Variants in RGS6 observed in about 807,000 individuals in gnomAD.
RGS6 encodes regulator of G protein signaling 6, also known as regulator of G-protein signaling 6.
Under a neutral mutation model 78.5 loss-of-function variants are expected in RGS6, and 30 were observed. That is an observed-to-expected ratio of 0.38 (90% CI 0.29 to 0.52). The LOEUF (loss-of-function observed/expected upper bound fraction) is 0.52. Ranked by LOEUF, RGS6 falls within the 20% of genes least tolerant of loss-of-function variation. The probability of loss-of-function intolerance (pLI) is 0.85; values close to 1 mark genes in which losing one functional copy is unlikely to be tolerated. For missense variants in RGS6, 495 were observed against 609.7 expected (o/e 0.81, Z 1.98); for synonymous variants, 206 against 206.0 (o/e 1.00, Z 0.00).
At chr14:72,095,270 T>A (rs1397454591) in intron 2 of RGS6, among the ~76,000 whole-genome samples, 1 of 152,040 alleles carries the variant, frequency 6.6e-6, no homozygotes, top group Non-Finnish European at 1.5e-5. Context: ...AACTGAATCA[T>A]TGGTGGTTTT....
intron 15 of RGS6, among the ~76,000 whole-genome samples, chr14:72,521,751 T>G (rs2097045804): frequency 6.6e-6 from 1 of 152,182 alleles, no homozygotes; most frequent in South Asian, 2.1e-4. Flanking sequence ...GACAAGTTGC[T>G]TAAATTCCCT....
intron 2 of RGS6, among the ~76,000 whole-genome samples, chr14:72,068,453 A>AT (rs1279248206): frequency 2.0e-5 from 3 of 147,042 alleles, no homozygotes; most frequent in African/African-American, 5.0e-5. Context: ...GTTCTTTTTA[A>AT]TTTTTTATTC....
intron 2 of RGS6, among the ~76,000 whole-genome samples, chr14:72,055,992 G>A (rs935445967): frequency 6.6e-6 from 1 of 152,182 alleles, no homozygotes; most frequent in Admixed American, 6.5e-5. Flanking sequence ...TCAAAGTTTA[G>A]TGTGCATAAG....
Position 72,562,758 on chromosome 14 carries a change from T to G in RGS6, c.*291T>G. ...CTCGCTAAGAGGCCCTGATCCCAGC[T>G]CATTCAGGGGAGAACACGTCGTGGG... On this transcript the variant is annotated 3_prime_UTR_variant, in exon 18 of 18. Coordinates refer to ENST00000553525, the MANE Select transcript of RGS6 (RefSeq NM_001204424.2). 6.5e-7 allele frequency: 1 copy of G among 1,533,918 alleles called. No homozygotes were observed. The highest frequency in any genetic ancestry group is 8.7e-7 in the Non-Finnish European group (1 of 1,144,912).
the RGS6 span, chr14:72,612,590 T>C: frequency 2.0e-6 from 1 of 507,370 alleles, no homozygotes; most frequent in South Asian, 1.4e-5. Context: ...GAGGAAACAG[T>C]GCAGGGAAGG....
intron 3 of RGS6, among the ~76,000 whole-genome samples, chr14:72,394,140 C>T (rs926311033): frequency 6.6e-5 from 10 of 152,084 alleles, no homozygotes; most frequent in South Asian, 4.1e-4. Flanking sequence ...TTCTATTTTC[C>T]GTAAGCGTCG....
At chr14:71,999,800 A>T (rs2083084379) in intron 2 of RGS6, among the ~76,000 whole-genome samples, 1 of 105,326 alleles carries the variant, frequency 9.5e-6, no homozygotes, top group African/African-American at 2.9e-5. Context: ...AGGCCTCCCC[A>T]GCAGCTGAGC....
At position 72,144,345 on chromosome 14, in the gene RGS6, T is replaced by C. The variant is rs113580499; in HGVS notation, c.84+179470T>C. On this transcript the variant is annotated intron_variant, in intron 2 of 17. Transcript: ENST00000553525. ...AAATTCTTAGTCCCTAAAGGAAAAGTTTGCAAACTTATTATTTAATGTTTT... is the reference window on the plus strand; with the variant it reads ...AAATTCTTAGTCCCTAAAGGAAAAGCTTGCAAACTTATTATTTAATGTTTT... 1.3e-3 allele frequency among the ~76,000 whole-genome samples: 192 copies of C among 152,214 alleles called. 1 individual carries two copies. The highest frequency in any genetic ancestry group is 4.3e-3 in the African/African-American group (178 of 41,518).
At chr14:71,955,169 A>G (rs1451578877) in intron 1 of RGS6, among the ~76,000 whole-genome samples, 1 of 152,178 alleles carries the variant, frequency 6.6e-6, no homozygotes, top group East Asian at 1.9e-4. Context: ...AGGTTTCCCT[A>G]ACTACTATTC....
chr14:72,598,969 G>A, the RGS6 span, among the ~76,000 whole-genome samples: 4 of 151,608 alleles, frequency 2.6e-5, no homozygotes, highest in Non-Finnish European at 4.4e-5. Context: ...AACAAGTTTG[G>A]TCTGGGCATT....
intron 2 of RGS6, among the ~76,000 whole-genome samples, chr14:72,180,597 GA>G (rs1473813266): frequency 6.6e-6 from 1 of 152,184 alleles, no homozygotes; most frequent in Admixed American, 6.5e-5. Context: ...TTGAAAAATG[GA>G]AAATTCACCT....
At chr14:72,505,681 C>A (rs1421096175) in intron 13 of RGS6, among the ~76,000 whole-genome samples, 1 of 152,198 alleles carries the variant, frequency 6.6e-6, no homozygotes, top group Non-Finnish European at 1.5e-5. Context: ...GTCCTGGGAT[C>A]CAGGTCCTGG....
chr14:72,244,584 C>T (rs768503601), intron 2 of RGS6, among the ~76,000 whole-genome samples: 3 of 152,134 alleles, frequency 2.0e-5, no homozygotes, highest in Non-Finnish European at 2.9e-5. Context: ...CTCCTTCCCT[C>T]GTGCCAGGAG....
intron 2 of RGS6, among the ~76,000 whole-genome samples, chr14:72,000,306 G>A (rs572427310): frequency 3.5e-4 from 53 of 152,336 alleles, no homozygotes; most frequent in Admixed American, 1.2e-3. Context: ...GTAAATGTAG[G>A]TGGAATAGAA....
At chr14:72,089,702 G>A (rs1301701747) in intron 2 of RGS6, among the ~76,000 whole-genome samples, 3 of 152,216 alleles carry the variant, frequency 2.0e-5, no homozygotes, top group Non-Finnish European at 2.9e-5. Context: ...ATGCTAATGC[G>A]TTTGAGTTCC....
intron 14 of RGS6, among the ~76,000 whole-genome samples, chr14:72,513,271 G>C (rs1235697092): frequency 6.6e-6 from 1 of 152,192 alleles, no homozygotes; most frequent in East Asian, 1.9e-4. Context: ...ATGCGGAATG[G>C]AGGAGCCCCA....
intron 2 of RGS6, among the ~76,000 whole-genome samples, chr14:72,047,940 C>T (rs1383404077): frequency 7.2e-6 from 1 of 138,056 alleles, no homozygotes; most frequent in Non-Finnish European, 1.5e-5. Flanking sequence ...CAGAGTTTCA[C>T]CATGTTGGCC....
In RGS6 at chr14:72,185,564, A is replaced by T. The variant is rs543506681; in HGVS notation, c.85-166531A>T. 3.3e-5 allele frequency among the ~76,000 whole-genome samples: 5 copies of T among 152,344 alleles called. No homozygotes were observed. In the East Asian group the frequency reaches 9.6e-4, roughly 29 times the overall value. On this transcript the variant is annotated intron_variant, in intron 2 of 17. Coordinates refer to ENST00000553525, the MANE Select transcript of RGS6 (RefSeq NM_001204424.2). ...ACAAATGAAGGATAGAATGTGGTTA[A>T]CTAGTGTAGAGTGTGAATTATTTGG...
At chr14:72,400,883 G>T (rs1274602818) in intron 3 of RGS6, among the ~76,000 whole-genome samples, 8 of 152,108 alleles carry the variant, frequency 5.3e-5, no homozygotes, top group African/African-American at 9.7e-5. Flanking sequence ...CACAGGGAAA[G>T]GTTCCCAAGC....
Sources: allele counts gnomAD v4.1 joint callset (sites outside exome capture counted in the v4.1 genomes callset), GRCh38; gene constraint gnomAD v4.1.1; transcripts MANE v1.5; gene names NCBI Gene and HGNC (gene_info 2026-07-23, HGNC 2026-07-21).